CNTNAP2: variants seen among roughly 807,000 people sequenced by gnomAD.
CNTNAP2 encodes the protein contactin associated protein 2, also known as contactin-associated protein-like 2.
Under a neutral mutation model 155.2 loss-of-function variants are expected in CNTNAP2, and 98 were observed. The ratio of observed to expected loss-of-function variants is 0.63; its 90% CI spans 0.54 to 0.75. The LOEUF (loss-of-function observed/expected upper bound fraction) is 0.75. CNTNAP2 is among the 30% of genes least tolerant of loss of function. The pLI, the probability that CNTNAP2 is intolerant of heterozygous loss-of-function variation, is 0.00. For synonymous variants in CNTNAP2, 651 were observed against 631.2 expected, an observed-to-expected ratio of 1.03 and a Z score of -0.47; for missense variants, 1,727 against 1,688.1, an observed-to-expected ratio of 1.02 and a Z score of -0.40.
At chr7:146,990,797 A>G (rs950723905) in intron 3 of CNTNAP2, among the ~76,000 whole-genome samples, 2 of 152,040 alleles carry the variant, frequency 1.3e-5, no homozygotes, top group African/African-American at 4.8e-5. Context: ...CATTAATAAG[A>G]AAAGCTCATT....
chr7:147,115,980 G>C (rs1800979387), intron 5 of CNTNAP2, among the ~76,000 whole-genome samples: 1 of 152,122 alleles, frequency 6.6e-6, no homozygotes, highest in South Asian at 2.1e-4. Flanking sequence ...TTGCTGATTT[G>C]GAGATGGAGT....
intron 2 of CNTNAP2, among the ~76,000 whole-genome samples, chr7:146,813,165 G>A (rs1232115358): frequency 6.6e-6 from 1 of 152,146 alleles, no homozygotes; most frequent in Admixed American, 6.5e-5. Context: ...TCCCCACTGG[G>A]GCACTGCCTA....
chr7:146,391,291 C>T (rs1016679341), intron 1 of CNTNAP2, among the ~76,000 whole-genome samples: 1 of 151,798 alleles, frequency 6.6e-6, no homozygotes, highest in Admixed American at 6.6e-5. Context: ...TACTGTGATT[C>T]TGTTGGAAGA....
chr7:146,529,749 G>A (rs903751418), intron 1 of CNTNAP2, among the ~76,000 whole-genome samples: 3 of 151,978 alleles, frequency 2.0e-5, no homozygotes, highest in South Asian at 2.1e-4. Flanking sequence ...GGCAGTTCAC[G>A]AGATCAAGAG....
chr7:146,204,001 T>G (rs1798906896), intron 1 of CNTNAP2, among the ~76,000 whole-genome samples: 1 of 152,204 alleles, frequency 6.6e-6, no homozygotes, highest in African/African-American at 2.4e-5. Flanking sequence ...GACTTTTCAA[T>G]TATTTAATAA....
At chr7:148,194,114 G>A (rs1474795480) in intron 18 of CNTNAP2, among the ~76,000 whole-genome samples, 1 of 150,556 alleles carries the variant, frequency 6.6e-6, no homozygotes, top group Non-Finnish European at 1.5e-5. Context: ...GGGATTACAG[G>A]TGCATGCCAC....
intron 10 of CNTNAP2, among the ~76,000 whole-genome samples, chr7:147,404,047 G>A (rs1418387155): frequency 6.6e-6 from 1 of 152,032 alleles, no homozygotes; most frequent in Non-Finnish European, 1.5e-5. Flanking sequence ...CTTACTTTGG[G>A]AAATATTTTG....
At chr7:147,151,929 T>G (rs1801835600) in intron 8 of CNTNAP2, among the ~76,000 whole-genome samples, 1 of 152,152 alleles carries the variant, frequency 6.6e-6, no homozygotes, top group African/African-American at 2.4e-5. Flanking sequence ...GAAGCCTTCC[T>G]TGTTAATTGC....
chr7:148,103,528 TCTTAATATAGACTCATATATGTC>T (rs1287085832), intron 15 of CNTNAP2, among the ~76,000 whole-genome samples: 1 of 152,204 alleles, frequency 6.6e-6, no homozygotes, highest in East Asian at 1.9e-4. Context: ...CTTCTGTTAG[TCTTAATATAGACTCATATATGTC>T]CTGTGTCATC....
intron 1 of CNTNAP2, among the ~76,000 whole-genome samples, chr7:146,698,050 T>C (rs1272762176): frequency 1.3e-5 from 2 of 152,152 alleles, no homozygotes. Flanking sequence ...TAACTCTACC[T>C]TACTTCACAG....
chr7:146,596,804 C>T (rs1251488728), intron 1 of CNTNAP2, among the ~76,000 whole-genome samples: 1 of 151,956 alleles, frequency 6.6e-6, no homozygotes, highest in East Asian at 1.9e-4. Flanking sequence ...ATCTCTGTTT[C>T]CTCATTTGTG....
intron 14 of CNTNAP2, among the ~76,000 whole-genome samples, chr7:147,908,327 T>G (rs1286197381): frequency 6.6e-6 from 1 of 152,238 alleles, no homozygotes; most frequent in African/African-American, 2.4e-5. Flanking sequence ...GCTATTCCGC[T>G]GAATGCACCA....
chr7:146,120,201 T>C (rs1364616916), intron 1 of CNTNAP2, among the ~76,000 whole-genome samples: 1 of 152,046 alleles, frequency 6.6e-6, no homozygotes, highest in Non-Finnish European at 1.5e-5. Flanking sequence ...TAAATGCATA[T>C]AAAAGCAAAT....
At chr7:148,302,332 G>A (rs2116501536) in intron 21 of CNTNAP2, among the ~76,000 whole-genome samples, 1 of 152,332 alleles carries the variant, frequency 6.6e-6, no homozygotes, top group South Asian at 2.1e-4. Context: ...GCTGAACTTG[G>A]TTAGGGGAGA....
At chr7:147,052,571 C>T (rs1374074120) in intron 4 of CNTNAP2, among the ~76,000 whole-genome samples, 1 of 151,830 alleles carries the variant, frequency 6.6e-6, no homozygotes, top group Non-Finnish European at 1.5e-5. Flanking sequence ...TCAAACAGAG[C>T]TATAGACAGC....
intron 8 of CNTNAP2, among the ~76,000 whole-genome samples, chr7:147,290,051 AAATTG>A (rs1234382418): frequency 6.6e-6 from 1 of 152,204 alleles, no homozygotes; most frequent in African/African-American, 2.4e-5. Context: ...GTCACTGTGA[AAATTG>A]AATTGGCAAC....
intron 1 of CNTNAP2, among the ~76,000 whole-genome samples, chr7:146,674,214 A>G (rs1800356927): frequency 6.6e-6 from 1 of 152,202 alleles, no homozygotes; most frequent in South Asian, 2.1e-4. Flanking sequence ...TGCTCTTTCA[A>G]GACCTCAGAA....
At chr7:147,986,206 T>G (rs550307309) in intron 15 of CNTNAP2, among the ~76,000 whole-genome samples, 24 of 152,266 alleles carry the variant, frequency 1.6e-4, no homozygotes, top group Non-Finnish European at 3.5e-4. Flanking sequence ...TCTCTCTGTC[T>G]CTCCATTCCT....
chr7:147,209,812 AT>A (rs1373539847), intron 8 of CNTNAP2, among the ~76,000 whole-genome samples: 2 of 151,970 alleles, frequency 1.3e-5, no homozygotes, highest in Non-Finnish European at 2.9e-5. Context: ...GAATTTTATT[AT>A]AAACTTTTTC....
Sources: allele counts gnomAD v4.1 joint callset (sites outside exome capture counted in the v4.1 genomes callset), GRCh38; gene constraint gnomAD v4.1.1; transcripts MANE v1.5; gene names NCBI Gene and HGNC (gene_info 2026-07-23, HGNC 2026-07-21).